SLC26A7: variants seen among roughly 807,000 people sequenced by gnomAD.
SLC26A7 encodes anion exchange transporter.
SLC26A7 carries 59 observed loss-of-function variants against 82.5 expected under a neutral mutation model. The ratio of observed to expected loss-of-function variants is 0.72; its 90% confidence interval spans 0.58 to 0.89. SLC26A7 has a LOEUF of 0.89. Ranked by LOEUF, SLC26A7 falls within the 40% of genes least tolerant of loss-of-function variation. The pLI, the probability that SLC26A7 is intolerant of heterozygous loss-of-function variation, is 0.00. For synonymous variants in SLC26A7, 271 were observed against 274.3 expected, an observed-to-expected ratio of 0.99 and a Z score of 0.12; for missense variants, 820 against 793.0, an observed-to-expected ratio of 1.03 and a Z score of -0.41.
intron 6 of SLC26A7, among the ~76,000 whole-genome samples, chr8:91,335,902 C>A (rs1188033625): frequency 1.3e-5 from 2 of 152,148 alleles, no homozygotes; most frequent in Non-Finnish European, 2.9e-5. Flanking sequence ...CAGCCTCTTG[C>A]TCTGCTCCCT....
At chr8:91,233,555 G>A (rs902751141) in intron 2 of SLC26A7, among the ~76,000 whole-genome samples, 25 of 150,930 alleles carry the variant, frequency 1.7e-4, no homozygotes, top group African/African-American at 4.6e-4. Context: ...CAACAGAGCG[G>A]GATTCTGTGT....
chr8:91,274,091 C>A (rs1303269476), intron 2 of SLC26A7, among the ~76,000 whole-genome samples: 1 of 152,076 alleles, frequency 6.6e-6, no homozygotes, highest in Non-Finnish European at 1.5e-5. Context: ...GACAATAATA[C>A]CTAGTACACA....
At chr8:91,271,978 G>A (rs34705486) in intron 2 of SLC26A7, among the ~76,000 whole-genome samples, 13,120 of 152,122 alleles carry the variant, frequency 0.086, 837 homozygotes, top group African/African-American at 0.18. Context: ...CCTAGTTATG[G>A]GTGTTCATGG....
At chr8:91,299,279 C>T (rs904046203) in intron 4 of SLC26A7, among the ~76,000 whole-genome samples, 19 of 151,908 alleles carry the variant, frequency 1.3e-4, no homozygotes, top group African/African-American at 4.6e-4. Context: ...CTTTATTTTA[C>T]TATGCAAATT....
chr8:91,357,997 A>G (rs558816758), intron 11 of SLC26A7, among the ~76,000 whole-genome samples: 1 of 152,368 alleles, frequency 6.6e-6, no homozygotes, highest in East Asian at 1.9e-4. Flanking sequence ...CAGCCAACAG[A>G]CACATGAAAA....
intron 11 of SLC26A7, among the ~76,000 whole-genome samples, chr8:91,357,900 A>C (rs536320950): frequency 6.6e-6 from 1 of 152,372 alleles, no homozygotes; most frequent in East Asian, 1.9e-4. Flanking sequence ...CAATGAACTC[A>C]AACAAATTTA....
At chr8:91,246,524 T>C (rs1586317639), upstream of SLC26A7, among the ~76,000 whole-genome samples, 2 of 152,036 alleles carry the variant, frequency 1.3e-5, no homozygotes. Context: ...GTTTAGAAGA[T>C]GTAAAATACC....
At chr8:91,339,895 T>G (rs959020005) in intron 7 of SLC26A7, among the ~76,000 whole-genome samples, 6 of 152,148 alleles carry the variant, frequency 3.9e-5, no homozygotes, top group Non-Finnish European at 7.4e-5. Context: ...TAAGGCACAG[T>G]TAAGTGTACT....
chr8:91,244,145 G>C (rs1810511328), intron 2 of SLC26A7, among the ~76,000 whole-genome samples: 1 of 152,080 alleles, frequency 6.6e-6, no homozygotes. Flanking sequence ...ATGTGTATTG[G>C]GTAAATCTCT....
chr8:91,228,152 C>T (rs549695828), intron 2 of SLC26A7, among the ~76,000 whole-genome samples: 1 of 152,340 alleles, frequency 6.6e-6, no homozygotes, highest in African/African-American at 2.4e-5. Context: ...AGGTCCTTGT[C>T]TCATTAGAGT....
chr8:91,350,908 T>C (rs1480727064), intron 9 of SLC26A7, among the ~76,000 whole-genome samples: 1 of 152,166 alleles, frequency 6.6e-6, no homozygotes, highest in East Asian at 1.9e-4. Context: ...CCATATTGTA[T>C]TCCCACCAGC....
chr8:91,286,580 T>C (rs907580130), intron 2 of SLC26A7, among the ~76,000 whole-genome samples: 27 of 152,334 alleles, frequency 1.8e-4, no homozygotes, highest in African/African-American at 6.5e-4. Flanking sequence ...CTAAATTAGA[T>C]TAAGTTACAT....
At chr8:91,249,023 T>C (rs555144919), upstream of SLC26A7, among the ~76,000 whole-genome samples, 2 of 152,142 alleles carry the variant, frequency 1.3e-5, no homozygotes, top group Non-Finnish European at 2.9e-5. Flanking sequence ...CAATGCCCTG[T>C]TATGTTTCTG....
At chr8:91,343,928 A>G (rs1001139563) in intron 9 of SLC26A7, 2 of 552,072 alleles carry the variant, frequency 3.6e-6, no homozygotes, top group South Asian at 8.0e-5. Flanking sequence ...AAGTTAAACA[A>G]TTATATTTTT....
chr8:91,242,200 A>AG (rs1342105440), intron 2 of SLC26A7, among the ~76,000 whole-genome samples: 1 of 152,206 alleles, frequency 6.6e-6, no homozygotes, highest in African/African-American at 2.4e-5. Flanking sequence ...TTTTAATAGA[A>AG]GTACTATATT....
chr8:91,220,620 T>C (rs1489428430), intron 2 of SLC26A7, among the ~76,000 whole-genome samples: 2 of 152,280 alleles, frequency 1.3e-5, no homozygotes, highest in Admixed American at 6.5e-5. Context: ...TCTGTTCCCG[T>C]GCTGGTTTGC....
intron 2 of SLC26A7, among the ~76,000 whole-genome samples, chr8:91,286,390 C>T (rs566573829): frequency 1.3e-5 from 2 of 152,338 alleles, no homozygotes; most frequent in East Asian, 3.9e-4. Flanking sequence ...TCAAAGTCTT[C>T]TCGTGACCAT....
chr8:91,249,546 A>G lies in SLC26A7; in HGVS notation c.-106A>G. 3 of 883,740 alleles carry G rather than the reference A, an allele frequency of 3.4e-6. No individual in the cohort carries two copies. Among genetic ancestry groups the G allele is most frequent in the Admixed American group, 3.8e-5 (1 of 26,190 alleles). 54.7% of individuals were successfully genotyped at this position (883,740 alleles called of 1,614,324 possible). A position where few individuals can be genotyped will look rare whatever the true frequency, so the allele number is the denominator to read the frequency against. On this transcript the variant is annotated 5_prime_UTR_variant, in exon 2 of 19. Coordinates refer to ENST00000276609, the MANE Select transcript of SLC26A7 (RefSeq NM_052832.4). ...TACTTATTTTCTGGGCAGCTTTGAC[A>G]TTGTAAACCACAGACGAATTGGAGC...
chr8:91,344,138 T>C, intron 9 of SLC26A7: 1 of 985,388 alleles, frequency 1.0e-6, no homozygotes, highest in South Asian at 4.7e-5. Context: ...CATACTTTTG[T>C]TATAAATGAA....
Sources: allele counts gnomAD v4.1 joint callset (sites outside exome capture counted in the v4.1 genomes callset), GRCh38; gene constraint gnomAD v4.1.1; transcripts MANE v1.5; gene names NCBI Gene and HGNC (gene_info 2026-07-23, HGNC 2026-07-21).